Variants in RNF19A observed in about 807,000 individuals in gnomAD.
RNF19A encodes ring finger protein 19A, RBR E3 ubiquitin protein ligase.
A neutral mutation model predicts 75.7 loss-of-function variants in RNF19A; 32 were observed. The ratio of observed to expected loss-of-function variants is 0.42; its 90% CI spans 0.32 to 0.57. The LOEUF is 0.57. Ranked by LOEUF, RNF19A falls within the 20% of genes least tolerant of loss-of-function variation. The pLI is 0.10. For synonymous variants in RNF19A, 335 were observed against 345.2 expected (o/e 0.97, Z 0.33); for missense variants, 782 against 1,036.3 (o/e 0.75, Z 3.37).
At position 100,268,804 on chromosome 8, in the gene RNF19A, G is replaced by T; in HGVS notation, c.1172C>A (p.Pro391His). ...TTTTACCTTGCGGCCCACATACACA[G>T]GAATGCCAATAATCATTGCAGGAAT... ...IAIPAMIIGI[P>H]VYVGRKIHNR... The change falls in exon 5 of 10, where the codon CCT (proline) becomes CAT (histidine). Residue 391 changes from proline (P) to histidine (H), a missense_variant. Physicochemically the swap from Pro to His is moderately conservative, Grantham distance 77. This residue lies in a region of RNF19A where 41 missense variants were observed against 75.9 expected (regional missense o/e 0.54). Transcript: ENST00000341084. The T allele has an allele frequency of 6.3e-7, 1 of 1,582,664 alleles. No homozygotes were observed. Among genetic ancestry groups the T allele is most frequent in the Non-Finnish European group, 8.6e-7 (1 of 1,162,026 alleles).
intron 5 of RNF19A, 120 bp downstream of exon 5, chr8:100,268,665 C>T (rs1196103685): frequency 8.0e-6 from 4 of 502,322 alleles, no homozygotes; most frequent in East Asian, 7.1e-5. Context: ...ACTGAAGAAA[C>T]TAAAGATACC....
At chr8:100,272,688 T>C (rs917285312) in intron 3 of RNF19A, among the ~76,000 whole-genome samples, 5 of 152,044 alleles carry the variant, frequency 3.3e-5, no homozygotes, top group African/African-American at 1.2e-4. Context: ...CCACTAGAGA[T>C]GCACACCACC....
In RNF19A at chr8:100,308,662, T is replaced by C. The variant is rs948576788; in HGVS notation, c.-94+1205A>G. Among the ~76,000 whole-genome samples, 41 of 149,678 alleles carry C rather than the reference T, an allele frequency of 2.7e-4. 1 individual carries two copies. Among genetic ancestry groups the C allele is most frequent in the African/African-American group, 8.6e-4 (35 of 40,816 alleles). ...TAGGTTAAAATAAGAAAAGATATTTTAAAAAAATGAAAAGAACCATGTTCT... is the reference window on the plus strand; with the variant it reads ...TAGGTTAAAATAAGAAAAGATATTTCAAAAAAATGAAAAGAACCATGTTCT... On this transcript the variant is annotated intron_variant, in intron 1 of 9. Transcript: ENST00000341084.
In RNF19A at chr8:100,261,806, T is replaced by G. The variant is rs748233329; in HGVS notation, c.1469-51A>C. On this transcript the variant is annotated intron_variant, in intron 7 of 9. Coordinates refer to ENST00000341084, the MANE Select transcript of RNF19A (RefSeq NM_183419.4). The surrounding 1 kb of genome is among the most constrained non-coding windows in gnomAD (Gnocchi z 4.4). ...TAAGTAAGTATGATTATCAATTTTC[T>G]CCTTCTTAAATTCCTCCATGATTTC... 6.4e-7 allele frequency: 1 copy of G among 1,554,284 alleles called. No homozygotes were observed. The highest frequency in any genetic ancestry group is 1.1e-5 in the South Asian group (1 of 89,798).
rs1203658417 is a variant in RNF19A, at chr8:100,284,274, G to A, written c.674+3227C>T. On this transcript the variant is annotated intron_variant, in intron 2 of 9. Coordinates refer to ENST00000341084, the MANE Select transcript of RNF19A (RefSeq NM_183419.4). The surrounding 1 kb of genome is among the most constrained non-coding windows in gnomAD (Gnocchi z 4.3). ...ATAATAAGTAAAGCTAACTTTTAAT[G>A]AGGGCTTGTGTAGTATCCTATGAAG... Among the ~76,000 whole-genome samples the A allele has an allele frequency of 1.3e-5, 2 of 152,138 alleles. No homozygotes were observed. The highest frequency in any genetic ancestry group is 1.9e-4 in the East Asian group (1 of 5,204).
Position 100,268,913 on chromosome 8 carries a change from A to G in RNF19A, c.1063T>C (p.Trp355Arg). The change falls in exon 5 of 10, where the codon TGG (tryptophan) becomes CGG (arginine). Residue 355 changes from tryptophan (W) to arginine (R), a missense_variant. Around this residue, in one of 7 missense-constraint regions of RNF19A, gnomAD observed 41 missense variants for 75.9 expected, o/e 0.54. Coordinates refer to ENST00000341084, the MANE Select transcript of RNF19A (RefSeq NM_183419.4). Reference protein sequence around the residue: ...SGCTFWGKKPWSRKKKILWQL... With the variant: ...SGCTFWGKKPRSRKKKILWQL... ...CACAATATTTTCTTCTTTCGGCTCCAGGGTTTCTTCCCCCAAAAAGTACAT... is the reference window on the plus strand; with the variant it reads ...CACAATATTTTCTTCTTTCGGCTCCGGGGTTTCTTCCCCCAAAAAGTACAT... The G allele has an allele frequency of 6.3e-7, 1 of 1,597,204 alleles. No individual in the cohort carries two copies. The highest frequency in any genetic ancestry group is 1.3e-5 in the African/African-American group (1 of 74,208).
At chr8:100,315,957 G>A (rs1454920820) in intron 1 of RNF19A, among the ~76,000 whole-genome samples, 1 of 152,230 alleles carries the variant, frequency 6.6e-6, no homozygotes, top group African/African-American at 2.4e-5. Flanking sequence ...AGTGTGGCTG[G>A]AATTGGTGGG....
rs1240407513 is a variant in RNF19A, at chr8:100,329,810, T to A, written c.-243+6298A>T. The stretch of plus-strand genomic sequence containing the variant: ...TTGTTAATCCAGAGGGCAAACTGAG[T>A]ACTAGATTTCAGCTCAATGAAAAGC... On this transcript the variant is annotated intron_variant, in intron 1 of 3. Coordinates refer to the RNF19A transcript ENST00000519527. This position sits in a 1 kb window ranked among gnomAD's most constrained non-coding sequence, Gnocchi z 4.3. Among the ~76,000 whole-genome samples the A allele has an allele frequency of 6.6e-6, 1 of 152,170 alleles. No homozygotes were observed. The highest frequency in any genetic ancestry group is 1.5e-5 in the Non-Finnish European group (1 of 68,030).
intron 3 of RNF19A, among the ~76,000 whole-genome samples, chr8:100,274,621 G>T (rs187265015): frequency 3.9e-5 from 6 of 152,270 alleles, no homozygotes; most frequent in Admixed American, 3.3e-4. Flanking sequence ...CTGGCCTTAA[G>T]TGGTCGGCCC....
chr8:100,274,873 A>T (rs1326171776), intron 3 of RNF19A, 80 bp downstream of exon 3: 3 of 1,111,404 alleles, frequency 2.7e-6, no homozygotes, highest in Non-Finnish European at 3.9e-6. Context: ...AAAGGAAAAC[A>T]GGAATACTTA....
chr8:100,265,705 G>A (rs1819941804), intron 5 of RNF19A, among the ~76,000 whole-genome samples: 1 of 152,178 alleles, frequency 6.6e-6, no homozygotes, highest in Admixed American at 6.5e-5. Flanking sequence ...TTTGGCCTTT[G>A]GAAGGCTGTA....
intron 1 of RNF19A, among the ~76,000 whole-genome samples, chr8:100,296,736 T>C (rs1821582566): frequency 6.6e-6 from 1 of 152,230 alleles, no homozygotes; most frequent in South Asian, 2.1e-4. Context: ...AAATCATTCC[T>C]ACTCTCGCTA....
At position 100,333,574 on chromosome 8, in the gene RNF19A, G is replaced by C. The variant is rs890716391; in HGVS notation, c.-243+2534C>G. On this transcript the variant is annotated intron_variant, in intron 1 of 3. Coordinates refer to the RNF19A transcript ENST00000519527. This position sits in a 1 kb window ranked among gnomAD's most constrained non-coding sequence, Gnocchi z 4.7. ...TCAAAGCAGCAGTTACCTGTGTTTA[G>C]AGATTATGCATAATATTTTTCTGGT... 2.6e-5 allele frequency among the ~76,000 whole-genome samples: 4 copies of C among 152,226 alleles called. No individual in the cohort carries two copies. In the East Asian group the frequency reaches 7.7e-4, roughly 29 times the overall value.
At chr8:100,263,626 ATTC>A (rs1363291736) in intron 7 of RNF19A, among the ~76,000 whole-genome samples, 3 of 152,192 alleles carry the variant, frequency 2.0e-5, no homozygotes, top group South Asian at 2.1e-4. Flanking sequence ...AGGCTTTTTT[ATTC>A]TTCTTAATCT....
At chr8:100,327,754 C>A (rs971811628) in intron 1 of RNF19A, among the ~76,000 whole-genome samples, 1 of 152,070 alleles carries the variant, frequency 6.6e-6, no homozygotes, top group African/African-American at 2.4e-5. Flanking sequence ...GAAAATAACA[C>A]AAAAAGGGCA....
chr8:100,305,161 G>C (rs185355523), intron 1 of RNF19A, among the ~76,000 whole-genome samples: 1 of 152,064 alleles, frequency 6.6e-6, no homozygotes, highest in Non-Finnish European at 1.5e-5. Flanking sequence ...AGTCTTGCCC[G>C]ACCTCAAATG....
chr8:100,258,654 T>G lies in RNF19A; in HGVS notation c.2419A>C (p.Asn807His). The G allele has an allele frequency of 6.2e-7, 1 of 1,614,096 alleles. No homozygotes were observed. The highest frequency in any genetic ancestry group is 8.5e-7 in the Non-Finnish European group (1 of 1,179,940). ...GCATCGCCAAAATATAAATCAACAT[T>G]AGGTTTTATTCCATTGTTACCATGT... The part of the protein sequence containing the change: ...EEHGNNGIKP[N>H]VDLYFGDALK... Residue 807 changes from asparagine to histidine, a missense_variant, in exon 10 of 10, where the codon AAT (asparagine) becomes CAT (histidine). Transcript: ENST00000341084. The surrounding 1 kb of genome is among the most constrained non-coding windows in gnomAD (Gnocchi z 4.3).
upstream of RNF19A, among the ~76,000 whole-genome samples, chr8:100,312,921 CAAACA>C (rs1031664590): frequency 6.6e-6 from 1 of 152,070 alleles, no homozygotes; most frequent in Admixed American, 6.5e-5. Flanking sequence ...GACTCTGTCT[CAAACA>C]AAACAAAACA....
intron 1 of RNF19A, among the ~76,000 whole-genome samples, chr8:100,301,138 T>C (rs1197245112): frequency 3.9e-5 from 6 of 152,234 alleles, no homozygotes; most frequent in Non-Finnish European, 7.3e-5. Flanking sequence ...GTTGTGCTAG[T>C]CACATTTCAA....
Sources: allele counts gnomAD v4.1 joint callset (sites outside exome capture counted in the v4.1 genomes callset), GRCh38; gene constraint gnomAD v4.1.1; regional missense constraint gnomAD v4.1.1; non-coding constraint Gnocchi (gnomAD v3.1); transcripts MANE v1.5; gene names NCBI Gene and HGNC (gene_info 2026-07-23, HGNC 2026-07-21).